Variants in LIMCH1 observed in about 807,000 individuals in gnomAD.
LIMCH1 encodes the protein LIM and calponin homology domains 1, also known as LIM and calponin homology domains-containing protein 1.
Under a neutral mutation model 176.5 loss-of-function variants are expected in LIMCH1, and 113 were observed. That is an observed-to-expected ratio of 0.64 (90% CI 0.55 to 0.75). The LOEUF (loss-of-function observed/expected upper bound fraction) is 0.75. Among genes scored for constraint, LIMCH1 ranks in the 30% least tolerant of loss-of-function variants. LIMCH1 has a pLI of 0.00. For synonymous variants in LIMCH1, 619 were observed against 645.9 expected, an observed-to-expected ratio of 0.96 and a Z score of 0.63; for missense variants, 1,674 against 1,814.9, an observed-to-expected ratio of 0.92 and a Z score of 1.41.
chr4:41,606,036 C>G (rs778059419), intron 4 of LIMCH1, 32 bp downstream of exon 4: 5 of 1,447,998 alleles, frequency 3.5e-6, no homozygotes, highest in African/African-American at 1.4e-5. Context: ...ATCCCATAAG[C>G]GTTAGACAAG....
chr4:41,546,891 C>T (rs116009072), intron 1 of LIMCH1, among the ~76,000 whole-genome samples: 1 of 151,960 alleles, frequency 6.6e-6, no homozygotes, highest in Non-Finnish European at 1.5e-5. Flanking sequence ...GAGGTTGAGA[C>T]CGAGATTGAG....
intron 1 of LIMCH1, among the ~76,000 whole-genome samples, chr4:41,380,130 C>G (rs182939744): frequency 6.6e-6 from 1 of 152,134 alleles, no homozygotes; most frequent in Admixed American, 6.5e-5. Flanking sequence ...AACACCACCA[C>G]TACCACCACC....
chr4:41,674,377 G>A (rs1189028886), intron 22 of LIMCH1, among the ~76,000 whole-genome samples: 2 of 152,202 alleles, frequency 1.3e-5, no homozygotes, highest in Admixed American at 1.3e-4. Context: ...GACAAAGAGG[G>A]GCCATGCCCC....
Position 41,646,153 on chromosome 4 carries a change from A to G in LIMCH1, c.2284A>G (p.Ser762Gly). ...DLARWKSRRR[S>G]VSQDLIKKEE... is the part of the protein sequence containing the mutation. ...GGCTCGTTGGAAGAGTCGTAGAAGAAGTGTTTCTCAGGACTTAATCAAGAA... is the reference window on the plus strand; with the variant it reads ...GGCTCGTTGGAAGAGTCGTAGAAGAGGTGTTTCTCAGGACTTAATCAAGAA... The change falls in exon 16 of 32, where the codon AGT (serine) becomes GGT (glycine). Residue 762 changes from serine (S) to glycine (G), a missense_variant. By Grantham distance (56) the Ser-to-Gly change is moderately conservative. Transcript: ENST00000503057. The G allele has an allele frequency of 6.2e-7, 1 of 1,613,226 alleles. No homozygotes were observed. Among genetic ancestry groups the G allele is most frequent in the Non-Finnish European group, 8.5e-7 (1 of 1,179,862 alleles).
intron 30 of LIMCH1, among the ~76,000 whole-genome samples, chr4:41,691,591 A>T: frequency 7.4e-6 from 1 of 135,706 alleles, no homozygotes; most frequent in South Asian, 2.5e-4. Flanking sequence ...TACTAAAAAT[A>T]CAAAAAAAAA....
chr4:41,449,018 G>GT (rs897304365), intron 1 of LIMCH1, among the ~76,000 whole-genome samples: 1 of 151,222 alleles, frequency 6.6e-6, no homozygotes, highest in African/African-American at 2.4e-5. Flanking sequence ...TCAGCACTTA[G>GT]TAAAAAAAAA....
intron 5 of LIMCH1, among the ~76,000 whole-genome samples, chr4:41,616,533 AAAT>A (rs35236549): frequency 0.67 from 100,627 of 150,404 alleles, 34,792 homozygotes; most frequent in East Asian, 0.83. Context: ...CCATCTCAAA[AAAT>A]AATAATAATA....
chr4:41,568,409 G>T (rs555017708), intron 1 of LIMCH1, among the ~76,000 whole-genome samples: 1 of 152,306 alleles, frequency 6.6e-6, no homozygotes, highest in South Asian at 2.1e-4. Context: ...TACAACACAA[G>T]AACTGTTGCA....
intron 1 of LIMCH1, among the ~76,000 whole-genome samples, chr4:41,547,515 A>ATTC (rs2079631696): frequency 6.6e-6 from 1 of 150,526 alleles, no homozygotes; most frequent in Admixed American, 6.6e-5. Context: ...TGGGCTAATA[A>ATTC]TTTAAGTTTC....
intron 4 of LIMCH1, among the ~76,000 whole-genome samples, chr4:41,608,761 G>A (rs941272274): frequency 5.9e-5 from 9 of 152,122 alleles, no homozygotes; most frequent in African/African-American, 1.4e-4. Context: ...AAAGGAAGTG[G>A]CACTTCAGCT....
At chr4:41,677,175 C>T (rs2095244657) in intron 23 of LIMCH1, among the ~76,000 whole-genome samples, 1 of 149,194 alleles carries the variant, frequency 6.7e-6, no homozygotes, top group African/African-American at 2.5e-5. Flanking sequence ...AAAAAAAAGC[C>T]GATGTGAGTG....
chr4:41,559,643 T>C (rs1382583483), intron 1 of LIMCH1, among the ~76,000 whole-genome samples: 1 of 152,154 alleles, frequency 6.6e-6, no homozygotes, highest in Non-Finnish European at 1.5e-5. Flanking sequence ...CTTCCACTGC[T>C]TCATGGGATT....
At chr4:41,677,477 A>G (rs996947905) in intron 23 of LIMCH1, among the ~76,000 whole-genome samples, 1 of 152,226 alleles carries the variant, frequency 6.6e-6, no homozygotes, top group African/African-American at 2.4e-5. Context: ...CTGATTATCA[A>G]TTCTAGAAAA....
chr4:41,505,369 G>A (rs1208073522), intron 2 of LIMCH1, among the ~76,000 whole-genome samples: 2 of 152,336 alleles, frequency 1.3e-5, no homozygotes, highest in East Asian at 3.9e-4. Context: ...CTGCCAGCAA[G>A]CCACGGGATG....
At chr4:41,666,788 C>T in intron 21 of LIMCH1, 122 bp downstream of exon 21, 1 of 673,486 alleles carries the variant, frequency 1.5e-6, no homozygotes, top group Non-Finnish European at 2.6e-6. Flanking sequence ...GGGTGTTTGC[C>T]AGAGTCTGTG....
intron 1 of LIMCH1, among the ~76,000 whole-genome samples, chr4:41,371,490 G>A (rs550220109): frequency 6.6e-6 from 1 of 152,198 alleles, no homozygotes; most frequent in South Asian, 2.1e-4. Context: ...TCCCCCACTG[G>A]ATTCAAATAG....
chr4:41,446,936 T>C (rs1026796685), intron 1 of LIMCH1, among the ~76,000 whole-genome samples: 2 of 152,136 alleles, frequency 1.3e-5, no homozygotes, highest in African/African-American at 4.8e-5. Flanking sequence ...GTTAAATTTA[T>C]TCAATGGGCC....
chr4:41,510,020 C>T (rs377115694), intron 2 of LIMCH1, among the ~76,000 whole-genome samples: 2 of 152,190 alleles, frequency 1.3e-5, no homozygotes, highest in Admixed American at 6.5e-5. Flanking sequence ...CACTTCCTTT[C>T]TCCTAATACA....
In LIMCH1 at chr4:41,689,639, C is replaced by T. The variant is rs201863755; in HGVS notation, c.4275+4C>T. ...TTTTCACATCCAGTGTTTCAGGGTA[C>T]GTACTTACTGCTTTGCTCTCCAGAC... On this transcript the variant is annotated splice_donor_region_variant and intron_variant, in intron 30 of 31. Transcript: ENST00000503057. The T allele has an allele frequency of 2.5e-5, 39 of 1,539,392 alleles. No individual in the cohort carries two copies. The highest frequency in any genetic ancestry group is 3.4e-5 in the Non-Finnish European group (38 of 1,112,298).
Sources: allele counts gnomAD v4.1 joint callset (sites outside exome capture counted in the v4.1 genomes callset), GRCh38; gene constraint gnomAD v4.1.1; transcripts MANE v1.5; gene names NCBI Gene and HGNC (gene_info 2026-07-23, HGNC 2026-07-21).